The following ROR1 variants were observed in gnomAD, a reference collection of about 807,000 sequenced individuals.
The protein encoded by ROR1 is inactive tyrosine-protein kinase transmembrane receptor ROR1.
Under a neutral mutation model 78.8 loss-of-function variants are expected in ROR1, and 19 were observed. The observed-to-expected ratio is 0.24, with a 90% confidence interval of 0.17 to 0.35. The LOEUF is 0.35. ROR1 is among the 10% of genes least tolerant of loss of function. The pLI is 1.00. For missense variants in ROR1, 917 were observed against 1,177.8 expected (o/e 0.78, Z 3.24); for synonymous variants, 386 against 433.6 (o/e 0.89, Z 1.36).
At chr1:64,160,302 TA>T (rs2100730778) in intron 8 of ROR1, among the ~76,000 whole-genome samples, 1 of 132,758 alleles carries the variant, frequency 7.5e-6, no homozygotes, top group East Asian at 2.4e-4. Context: ...CTTTACTGTT[TA>T]AATTTTTTTT....
intron 4 of ROR1, among the ~76,000 whole-genome samples, chr1:64,115,778 G>A (rs912739849): frequency 6.6e-6 from 1 of 152,058 alleles, no homozygotes; most frequent in East Asian, 1.9e-4. Flanking sequence ...GCATTGTGTG[G>A]AACTGGATGT....
chr1:63,945,435 T>C (rs1163458048), intron 1 of ROR1, among the ~76,000 whole-genome samples: 1 of 152,200 alleles, frequency 6.6e-6, no homozygotes, highest in Non-Finnish European at 1.5e-5. Flanking sequence ...TGCAGAGCCA[T>C]GGAATTGATT....
chr1:63,789,293 G>A (rs974979401), intron 1 of ROR1: 1 of 539,960 alleles, frequency 1.9e-6, no homozygotes, highest in African/African-American at 1.9e-5. Flanking sequence ...TCTGAAGCCT[G>A]AGCATACTCA....
intron 8 of ROR1, among the ~76,000 whole-genome samples, chr1:64,172,142 C>G (rs1000628144): frequency 6.6e-6 from 1 of 152,140 alleles, no homozygotes; most frequent in African/African-American, 2.4e-5. Flanking sequence ...TCTAAAAGTT[C>G]CCCCACATCC....
intron 1 of ROR1, among the ~76,000 whole-genome samples, chr1:63,812,363 T>C (rs1254526581): frequency 6.6e-6 from 1 of 152,184 alleles, no homozygotes; most frequent in Non-Finnish European, 1.5e-5. Context: ...ATGTCAGAGT[T>C]GAGTGGTTGT....
intron 2 of ROR1, among the ~76,000 whole-genome samples, chr1:64,017,751 A>C (rs1352328252): frequency 6.6e-6 from 1 of 151,924 alleles, no homozygotes; most frequent in African/African-American, 2.4e-5. Context: ...ATAGAACCCC[A>C]CCTCCATCCT....
intron 1 of ROR1, among the ~76,000 whole-genome samples, chr1:63,861,683 G>A (rs760098295): frequency 2.6e-5 from 4 of 152,204 alleles, no homozygotes; most frequent in Non-Finnish European, 2.9e-5. Flanking sequence ...TTGCCTTGCT[G>A]TTGGAAACAT....
At position 64,034,932 on chromosome 1, in the gene ROR1, A is replaced by G. The variant is rs950254672; in HGVS notation, c.164-14759A>G. Among the ~76,000 whole-genome samples the G allele has an allele frequency of 1.3e-4, 20 of 151,974 alleles. 1 individual carries two copies. Among genetic ancestry groups the G allele is most frequent in the Admixed American group, 9.8e-4 (15 of 15,268 alleles). ...TCTCGAGGTAGATACCTACCTTTCC[A>G]TAGACTCTCCCTAATAGCTTGACCT... is the stretch of plus-strand genomic sequence containing the variant. On this transcript the variant is annotated intron_variant, in intron 2 of 8. Transcript: ENST00000371079.
chr1:63,936,805 C>A (rs1273396458), intron 1 of ROR1, among the ~76,000 whole-genome samples: 3 of 152,138 alleles, frequency 2.0e-5, no homozygotes, highest in Non-Finnish European at 4.4e-5. Context: ...GTATAAGAGT[C>A]CTCTGAACAT....
At chr1:64,035,805 C>T (rs1011746153) in intron 2 of ROR1, among the ~76,000 whole-genome samples, 3 of 152,152 alleles carry the variant, frequency 2.0e-5, no homozygotes, top group East Asian at 1.9e-4. Context: ...GTTCTTGGTT[C>T]TCGTTCCTCC....
chr1:63,891,389 T>C (rs855835), intron 1 of ROR1, among the ~76,000 whole-genome samples: 140,228 of 152,236 alleles, frequency 0.92, 64,661 homozygotes, highest in East Asian at 1. Flanking sequence ...AGGACTCCTT[T>C]GTCTGAGGCA....
intron 1 of ROR1, among the ~76,000 whole-genome samples, chr1:63,990,847 G>T (rs958739175): frequency 6.6e-6 from 1 of 152,004 alleles, no homozygotes; most frequent in Admixed American, 6.6e-5. Flanking sequence ...TCATTTCTTG[G>T]CATTTTAATA....
At chr1:63,931,127 C>T (rs1204689047) in intron 1 of ROR1, among the ~76,000 whole-genome samples, 1 of 152,012 alleles carries the variant, frequency 6.6e-6, no homozygotes, top group East Asian at 1.9e-4. Flanking sequence ...ACTAAAAAGA[C>T]AAAAATTAGC....
intron 1 of ROR1, among the ~76,000 whole-genome samples, chr1:63,885,151 T>C (rs759290765): frequency 1.8e-4 from 27 of 152,314 alleles, no homozygotes; most frequent in Middle Eastern, 6.8e-3. Context: ...ATTATTATTA[T>C]TTCAAGAGCT....
chr1:64,146,774 A>G (rs1649485509), intron 7 of ROR1, among the ~76,000 whole-genome samples: 1 of 152,192 alleles, frequency 6.6e-6, no homozygotes. Context: ...AAACCTTCGA[A>G]AGGTCTTTCA....
chr1:64,052,853 T>C (rs11208345), intron 4 of ROR1, among the ~76,000 whole-genome samples: 18,875 of 152,122 alleles, frequency 0.12, 2,174 homozygotes, highest in African/African-American at 0.31. Context: ...GTACCTTTTT[T>C]TTTTCTTTCC....
intron 4 of ROR1, among the ~76,000 whole-genome samples, chr1:64,101,875 T>C (rs183191111): frequency 2.0e-4 from 31 of 152,306 alleles, no homozygotes; most frequent in African/African-American, 7.0e-4. Context: ...AGAATCATGT[T>C]TGGCAGAATC....
intron 7 of ROR1, chr1:64,143,151 A>G (rs1363420867): frequency 1.0e-6 from 1 of 992,724 alleles, no homozygotes; most frequent in Non-Finnish European, 1.2e-6. Context: ...CAGAAGAAGC[A>G]TATAGGTATC....
chr1:64,009,983 C>G (rs932558691), intron 2 of ROR1, among the ~76,000 whole-genome samples: 2 of 152,188 alleles, frequency 1.3e-5, no homozygotes, highest in African/African-American at 2.4e-5. Context: ...CAGTCTGGCT[C>G]AATCTACCTT....
Sources: allele counts gnomAD v4.1 joint callset (sites outside exome capture counted in the v4.1 genomes callset), GRCh38; gene constraint gnomAD v4.1.1; transcripts MANE v1.5; gene names NCBI Gene and HGNC (gene_info 2026-07-23, HGNC 2026-07-21).